The following CPED1 variants were observed in gnomAD, a reference collection of about 807,000 sequenced individuals.
The protein encoded by CPED1 is cadherin like and PC-esterase domain containing 1, also known as cadherin-like and PC-esterase domain-containing protein 1.
Under a neutral mutation model 128.2 loss-of-function variants are expected in CPED1, and 114 were observed. The ratio of observed to expected loss-of-function variants is 0.89; its 90% CI spans 0.76 to 1.04. CPED1 has a LOEUF of 1.04. Ranked by LOEUF, CPED1 falls within the 50% of genes least tolerant of loss-of-function variation. CPED1 has a pLI of 0.00. For missense variants in CPED1, 1,211 were observed against 1,207.1 expected, an observed-to-expected ratio of 1.00 and a Z score of -0.05; for synonymous variants, 462 against 426.7, an observed-to-expected ratio of 1.08 and a Z score of -1.02.
intron 16 of CPED1, among the ~76,000 whole-genome samples, chr7:121,178,520 A>G (rs564065271): frequency 1.3e-5 from 2 of 152,214 alleles, no homozygotes; most frequent in Admixed American, 6.5e-5. Context: ...GATGAATCAT[A>G]TGAATCTTAA....
At chr7:121,129,495 T>C (rs1165753608) in intron 11 of CPED1, among the ~76,000 whole-genome samples, 2 of 151,310 alleles carry the variant, frequency 1.3e-5, no homozygotes, top group Non-Finnish European at 3.0e-5. Context: ...TGGCACAATA[T>C]CATTTTAACT....
rs144556189 is a variant in CPED1 at position 121,232,127 on chromosome 7, C to G, written c.2056-4587C>G. Among the ~76,000 whole-genome samples, 637 of 152,178 alleles carry G rather than the reference C, an allele frequency of 4.2e-3. 2 individuals are homozygous for G. In the Middle Eastern group the frequency reaches 0.048, roughly 11 times the overall value. ...AGACAAGAAGAAGTAAACTTCCTGA[C>G]TACGCAGGCAGCCTTCCCTGGAGAT... On this transcript the variant is annotated intron_variant, in intron 16 of 22. Coordinates refer to ENST00000310396, the MANE Select transcript of CPED1 (RefSeq NM_024913.5).
At chr7:121,169,918 T>C (rs1796612002) in intron 16 of CPED1, among the ~76,000 whole-genome samples, 1 of 152,134 alleles carries the variant, frequency 6.6e-6, no homozygotes, top group Non-Finnish European at 1.5e-5. Flanking sequence ...ATGCAAATGG[T>C]TTAATCGATG....
chr7:121,032,525 G>A (rs570110951), intron 3 of CPED1, among the ~76,000 whole-genome samples: 6 of 149,830 alleles, frequency 4.0e-5, no homozygotes, highest in Non-Finnish European at 5.9e-5. Flanking sequence ...CATACCGCGG[G>A]GGGGGCCTGT....
At chr7:121,103,927 TA>T (rs558240195) in intron 7 of CPED1, among the ~76,000 whole-genome samples, 1 of 151,832 alleles carries the variant, frequency 6.6e-6, no homozygotes, top group East Asian at 1.9e-4. Context: ...TTGGAGAGAG[TA>T]AAAAAAATCA....
At chr7:121,165,154 A>T (rs1408397809) in intron 16 of CPED1, among the ~76,000 whole-genome samples, 1 of 152,208 alleles carries the variant, frequency 6.6e-6, no homozygotes, top group African/African-American at 2.4e-5. Flanking sequence ...ATAAAAACAA[A>T]AAGGAACAAA....
intron 2 of CPED1, among the ~76,000 whole-genome samples, chr7:120,994,657 G>GTGTGTGTGTGTGTGTTGT (rs148572524): frequency 2.0e-5 from 3 of 149,196 alleles, no homozygotes; most frequent in African/African-American, 7.5e-5. Context: ...GTGTGTGTGT[G>GTGTGTGTGTGTGTGTTGT]TGTTGTTGTT....
Position 121,271,357 on chromosome 7 carries a change from T to C in CPED1, c.2795T>C (p.Val932Ala). 1 of 1,612,674 alleles carries C rather than the reference T, an allele frequency of 6.2e-7. No homozygotes were observed. The highest frequency in any genetic ancestry group is 1.1e-5 in the South Asian group (1 of 91,020). ...GCAAAAAAACATGGCTATGAAGTAG[T>C]TGACACATTCACTATAACAATGGGG... ...DTAKKHGYEVVDTFTITMGRY... is the reference protein window; with the variant it reads ...DTAKKHGYEVADTFTITMGRY... Residue 932 changes from valine (V) to alanine (A), a missense_variant, in exon 22 of 23, where the codon GTT (valine) becomes GCT (alanine). Coordinates refer to ENST00000310396, the MANE Select transcript of CPED1 (RefSeq NM_024913.5).
chr7:121,117,100 A>ATATATATATATATATATATAT (rs1450957943), intron 7 of CPED1, among the ~76,000 whole-genome samples: 11 of 70,650 alleles, frequency 1.6e-4, no homozygotes, highest in African/African-American at 4.2e-4. Context: ...TATATATATA[A>ATATATATATATATATATATAT]ATATATATAT....
At chr7:121,129,435 C>T in intron 11 of CPED1, among the ~76,000 whole-genome samples, 1 of 149,870 alleles carries the variant, frequency 6.7e-6, no homozygotes, top group Non-Finnish European at 1.5e-5. Context: ...AATTTGGTCC[C>T]AAATTTTGGA....
In CPED1 at chr7:121,130,147, G is replaced by C; in HGVS notation, c.1430G>C (p.Gly477Ala). The C allele has an allele frequency of 1.9e-6, 3 of 1,612,418 alleles. No individual in the cohort carries two copies. Among genetic ancestry groups the C allele is most frequent in the Non-Finnish European group, 2.5e-6 (3 of 1,178,922 alleles). The stretch of plus-strand genomic sequence containing the variant: ...CAGCTCTTCCCATCTACTACTCCTG[G>C]GATTCAGTCACTGATGCATGAATTT... ...FQLLFPSTTP[G>A]IQSLMHEFYD... Residue 477 changes from glycine to alanine, a missense_variant, in exon 12 of 23, where the codon GGG becomes GCG. By Grantham distance (60) the Gly-to-Ala change is moderately conservative. Transcript: ENST00000310396.
At chr7:121,056,526 T>G (rs1224351669) in intron 4 of CPED1, among the ~76,000 whole-genome samples, 2 of 152,224 alleles carry the variant, frequency 1.3e-5, no homozygotes, top group East Asian at 3.8e-4. Flanking sequence ...TTTTCCATTC[T>G]CTCTCCACAT....
At chr7:121,019,052 G>A (rs1456443978) in intron 3 of CPED1, among the ~76,000 whole-genome samples, 1 of 151,890 alleles carries the variant, frequency 6.6e-6, no homozygotes, top group Non-Finnish European at 1.5e-5. Flanking sequence ...ATATTTACTG[G>A]TAGAGTAACT....
intron 16 of CPED1, among the ~76,000 whole-genome samples, chr7:121,180,720 G>C (rs1000327331): frequency 1.8e-4 from 27 of 152,112 alleles, no homozygotes; most frequent in African/African-American, 6.5e-4. Context: ...CACCCTTTAT[G>C]ACAGGAACAG....
At chr7:121,033,695 G>A (rs1792799809) in intron 3 of CPED1, among the ~76,000 whole-genome samples, 1 of 152,154 alleles carries the variant, frequency 6.6e-6, no homozygotes, top group Admixed American at 6.6e-5. Flanking sequence ...TGTTATGGTT[G>A]GGTTCAATAA....
At chr7:121,114,221 C>T (rs111666092) in intron 7 of CPED1, among the ~76,000 whole-genome samples, 1,537 of 152,264 alleles carry the variant, frequency 0.01, 13 homozygotes, top group Non-Finnish European at 0.015. Context: ...TTAGTGAAGA[C>T]GACAGAACTA....
chr7:121,140,804 C>T (rs775641570), intron 14 of CPED1, 23 bp from the exon 15 acceptor site: 1 of 1,563,094 alleles, frequency 6.4e-7, no homozygotes, highest in Admixed American at 1.8e-5. Flanking sequence ...TTGTCTTTGT[C>T]ATTGTTTTTG....
intron 16 of CPED1, among the ~76,000 whole-genome samples, chr7:121,146,279 G>C (rs187964476): frequency 6.6e-6 from 1 of 152,114 alleles, no homozygotes; most frequent in African/African-American, 2.4e-5. Flanking sequence ...GGCAGCAAAA[G>C]GGTCTAAAGT....
chr7:121,142,857 T>C (rs972819030), intron 16 of CPED1, among the ~76,000 whole-genome samples: 2 of 152,046 alleles, frequency 1.3e-5, no homozygotes, highest in African/African-American at 2.4e-5. Flanking sequence ...ATCACATATC[T>C]ATTAATTCAC....
Sources: allele counts gnomAD v4.1 joint callset (sites outside exome capture counted in the v4.1 genomes callset), GRCh38; gene constraint gnomAD v4.1.1; transcripts MANE v1.5; gene names NCBI Gene and HGNC (gene_info 2026-07-23, HGNC 2026-07-21).